Variants in IL6ST observed in about 807,000 individuals in gnomAD.
IL6ST encodes the protein interleukin-6 receptor subunit beta.
Under a neutral mutation model 91.3 loss-of-function variants are expected in IL6ST, and 24 were observed. That is an observed-to-expected ratio of 0.26 (90% CI 0.19 to 0.37). The LOEUF (loss-of-function observed/expected upper bound fraction) is 0.37, where lower values mean the gene tolerates loss of function less well. Ranked by LOEUF, IL6ST falls within the 10% of genes least tolerant of loss-of-function variation. The pLI is 1.00. For missense variants in IL6ST, 914 were observed against 1,078.5 expected, an observed-to-expected ratio of 0.85 and a Z score of 2.14; for synonymous variants, 351 against 373.6, an observed-to-expected ratio of 0.94 and a Z score of 0.70.
chr5:55,956,022 A>G lies in IL6ST; in HGVS notation c.1267+3T>C. The G allele has an allele frequency of 6.2e-7, 1 of 1,607,704 alleles. No homozygotes were observed. Among genetic ancestry groups the G allele is most frequent in the East Asian group, 2.2e-5 (1 of 44,850 alleles). On this transcript the variant is annotated splice_donor_region_variant and intron_variant, in intron 10 of 16. Coordinates refer to ENST00000381298, the MANE Select transcript of IL6ST (RefSeq NM_002184.4). ...AGTCAGGCTCCATCTCACAGATACAAACCTTGAAAGTCACAGGCAGGGATA... is the reference window on the plus strand; with the variant it reads ...AGTCAGGCTCCATCTCACAGATACAGACCTTGAAAGTCACAGGCAGGGATA...
intron 14 of IL6ST, among the ~76,000 whole-genome samples, chr5:55,949,614 A>T (rs1751489964): frequency 3.9e-5 from 6 of 152,174 alleles, no homozygotes; most frequent in Admixed American, 3.9e-4. Flanking sequence ...TTATTTTTTA[A>T]TTTTTCTCAA....
intron 15 of IL6ST, among the ~76,000 whole-genome samples, chr5:55,943,616 A>T (rs1206640786): frequency 6.6e-6 from 1 of 152,198 alleles, no homozygotes; most frequent in Non-Finnish European, 1.5e-5. Context: ...AATAAAATGC[A>T]CCATATTCAT....
intron 7 of IL6ST, among the ~76,000 whole-genome samples, chr5:55,961,758 C>CAA (rs539670850): frequency 3.8e-4 from 42 of 110,436 alleles, no homozygotes; most frequent in African/African-American, 1.1e-3. Context: ...AACTCCATCT[C>CAA]AAAAAAAAAA....
chr5:55,956,283 T>TA (rs1427330221), intron 9 of IL6ST, 48 bp from the exon 10 acceptor site: 4 of 1,137,484 alleles, frequency 3.5e-6, no homozygotes, highest in African/African-American at 1.6e-5. Context: ...AAATCTTGAA[T>TA]AAAAAATCAG....
At chr5:55,959,746 T>A (rs1467981613) in intron 8 of IL6ST, 2 of 649,760 alleles carry the variant, frequency 3.1e-6, no homozygotes, top group Non-Finnish European at 4.8e-6. Context: ...TGTAGTTTGC[T>A]AGACAGTGTG....
chr5:55,978,990 T>C (rs1300961984), intron 2 of IL6ST, among the ~76,000 whole-genome samples: 4 of 152,146 alleles, frequency 2.6e-5, no homozygotes, highest in Non-Finnish European at 4.4e-5. Context: ...CAAATATCTA[T>C]TAACACTAGG....
At chr5:55,979,394 G>A (rs1260390643) in intron 2 of IL6ST, among the ~76,000 whole-genome samples, 1 of 152,174 alleles carries the variant, frequency 6.6e-6, no homozygotes, top group Non-Finnish European at 1.5e-5. Flanking sequence ...TGCTGAGCAT[G>A]TTCTGTATCT....
intron 5 of IL6ST, among the ~76,000 whole-genome samples, chr5:55,965,037 ATTGT>A (rs1476716736): frequency 6.6e-6 from 1 of 152,150 alleles, no homozygotes; most frequent in African/African-American, 2.4e-5. Flanking sequence ...GACTTTTTGG[ATTGT>A]TTTATATAAT....
chr5:55,974,936 TACACACACACACACAC>T lies in IL6ST; in HGVS notation c.64+1263_64+1278del, dbSNP rs376327228. On this transcript the variant is annotated intron_variant, in intron 3 of 16. Transcript: ENST00000381298. ...GGGACAGCTGGGATAGTATTATTCA[TACACACACACACACAC>T]ACATACACACACACACACACACACA... 9.6e-4 allele frequency among the ~76,000 whole-genome samples: 141 copies of T among 147,346 alleles called. 1 individual carries two copies. The highest frequency in any genetic ancestry group is 3.3e-3 in the African/African-American group (130 of 39,126).
rs114059613 is a variant in IL6ST, at chr5:55,945,358, C to A, written c.1937+2135G>T. ...GGAAATAGATACAGACTTATAAAGA[C>A]AATTGCTTTTGGCAAAGGTACCAAA... On this transcript the variant is annotated intron_variant, in intron 15 of 16. Coordinates refer to ENST00000381298, the MANE Select transcript of IL6ST (RefSeq NM_002184.4). Among the ~76,000 whole-genome samples the A allele has an allele frequency of 8.6e-3, 1,312 of 152,202 alleles. 17 individuals are homozygous for A. Among genetic ancestry groups the A allele is most frequent in the African/African-American group, 0.03 (1,240 of 41,530 alleles).
chr5:55,955,402 G>A (rs1426262856), intron 10 of IL6ST, among the ~76,000 whole-genome samples: 1 of 152,198 alleles, frequency 6.6e-6, no homozygotes, highest in South Asian at 2.1e-4. Flanking sequence ...GGCTGAGATC[G>A]TGCCATTGCA....
In IL6ST at chr5:55,936,278, G is replaced by A; in HGVS notation, c.*4804C>T. 1 of 227,466 alleles carries A rather than the reference G, an allele frequency of 4.4e-6. No homozygotes were observed. The highest frequency in any genetic ancestry group is 2.2e-5 in the African/African-American group (1 of 45,008). 14.1% of individuals were successfully genotyped at this position (227,466 alleles called of 1,614,324 possible). A position where few individuals can be genotyped will look rare whatever the true frequency, so the allele number is the denominator to read the frequency against. On this transcript the variant is annotated 3_prime_UTR_variant, in exon 17 of 17. Transcript: ENST00000381298. ...TGGAGACTCCAGCAGAGTGCAGGGT[G>A]GGCACAGACAGGCCACAAGATGGCG...
rs1752871015 is a variant in IL6ST at position 55,969,995 on chromosome 5, C to T, written c.65-140G>A. ...AGACACAGAAAAAGACAATACACAA[C>T]TGAAAATTAATATGGTTAGAATTTA... On this transcript the variant is annotated intron_variant, in intron 3 of 16. Transcript: ENST00000381298. 3 of 536,106 alleles carry T rather than the reference C, an allele frequency of 5.6e-6. No homozygotes were observed. In the East Asian group the frequency reaches 8.3e-5, roughly 15 times the overall value. The allele number at this position is 536,106 out of a possible 1,614,324, so 33.2% of individuals were successfully genotyped here. A position where few individuals can be genotyped will look rare whatever the true frequency, so the allele number is the denominator to read the frequency against.
chr5:55,944,473 A>G (rs971473761), intron 15 of IL6ST, among the ~76,000 whole-genome samples: 1 of 152,242 alleles, frequency 6.6e-6, no homozygotes, highest in Non-Finnish European at 1.5e-5. Context: ...TACTTTTGTC[A>G]TGAATTCAAA....
At chr5:55,993,340 C>T (rs765622489) in intron 1 of IL6ST, among the ~76,000 whole-genome samples, 15 of 152,194 alleles carry the variant, frequency 9.9e-5, no homozygotes, top group Non-Finnish European at 1.3e-4. Context: ...CTCCTGTTTC[C>T]TTCTCTATAA....
chr5:55,971,822 T>C lies in IL6ST; in HGVS notation c.65-1967A>G, dbSNP rs554780661. Among the ~76,000 whole-genome samples the C allele has an allele frequency of 5.9e-5, 9 of 152,236 alleles. No individual in the cohort carries two copies. In the East Asian group the frequency reaches 1.5e-3, roughly 26 times the overall value. On this transcript the variant is annotated intron_variant, in intron 3 of 16. Coordinates refer to ENST00000381298, the MANE Select transcript of IL6ST (RefSeq NM_002184.4). ...AACAGTTTTTGCAGTCAAAATTGTA[T>C]CCCCAAATGGAATCCCAGGACCTCT... is the stretch of plus-strand genomic sequence containing the variant.
chr5:55,956,669 A>AGG (rs1751996119), intron 9 of IL6ST, among the ~76,000 whole-genome samples: 6 of 152,284 alleles, frequency 3.9e-5, no homozygotes, highest in Admixed American at 2.0e-4. Flanking sequence ...CTTCTTATAG[A>AGG]ACTTATACTT....
At chr5:55,943,121 A>C (rs1751020750) in intron 15 of IL6ST, among the ~76,000 whole-genome samples, 1 of 152,138 alleles carries the variant, frequency 6.6e-6, no homozygotes, top group Admixed American at 6.5e-5. Flanking sequence ...CACTGATACC[A>C]AAAAAGTTCA....
At chr5:55,959,065 C>T (rs1299206171) in intron 8 of IL6ST, among the ~76,000 whole-genome samples, 2 of 151,998 alleles carry the variant, frequency 1.3e-5, no homozygotes, top group African/African-American at 4.8e-5. Flanking sequence ...TATTTCCTAA[C>T]ATAAAGGGAA....
Sources: allele counts gnomAD v4.1 joint callset (sites outside exome capture counted in the v4.1 genomes callset), GRCh38; gene constraint gnomAD v4.1.1; transcripts MANE v1.5; gene names NCBI Gene and HGNC (gene_info 2026-07-23, HGNC 2026-07-21).